The following SPAG9 variants were observed in gnomAD, a reference collection of about 807,000 sequenced individuals.
SPAG9 encodes C-Jun-amino-terminal kinase-interacting protein 4.
A neutral mutation model predicts 166.5 loss-of-function variants in SPAG9; 35 were observed. That is an observed-to-expected ratio of 0.21 (90% CI 0.16 to 0.28). The LOEUF is 0.28. SPAG9 is among the 10% of genes least tolerant of loss of function. The probability of loss-of-function intolerance (pLI) is 1.00; values close to 1 mark genes in which losing one functional copy is unlikely to be tolerated. For synonymous variants in SPAG9, 534 were observed against 565.5 expected, an observed-to-expected ratio of 0.94 and a Z score of 0.79; for missense variants, 1,235 against 1,603.3, an observed-to-expected ratio of 0.77 and a Z score of 3.92.
rs143955996 is a variant in SPAG9, at chr17:50,993,669, A to G, written c.2398+95T>C. 1,372 of 1,179,110 alleles carry G rather than the reference A, an allele frequency of 1.2e-3. 5 individuals are homozygous for G. The highest frequency in any genetic ancestry group is 1.1e-3 in the Non-Finnish European group (881 of 829,534). The allele number at this position is 1,179,110 out of a possible 1,614,324, so 73.0% of individuals were successfully genotyped here. ...CTAACTAGAACATAAGCTTCATGAC[A>G]GCAAGGTGCAGAACTGCATCTTCAG... On this transcript the variant is annotated intron_variant, in intron 19 of 29. Coordinates refer to ENST00000262013, the MANE Select transcript of SPAG9 (RefSeq NM_001130528.3).
intron 28 of SPAG9, among the ~76,000 whole-genome samples, chr17:50,973,097 AG>A (rs1170138249): frequency 3.3e-5 from 5 of 152,386 alleles, no homozygotes; most frequent in African/African-American, 1.2e-4. Flanking sequence ...TGAATAAACT[AG>A]ATTTTTATGT....
intron 1 of SPAG9, among the ~76,000 whole-genome samples, chr17:51,097,861 G>A (rs1340955244): frequency 2.0e-5 from 3 of 152,050 alleles, no homozygotes; most frequent in African/African-American, 7.2e-5. Flanking sequence ...CAGGTGACAC[G>A]ATCCCAGCTC....
chr17:50,963,530 T>C lies in SPAG9; in HGVS notation c.*2742A>G, dbSNP rs1315211919. 6.6e-6 allele frequency: 1 copy of C among 152,206 alleles called. No homozygotes were observed. The highest frequency in any genetic ancestry group is 1.5e-5 in the Non-Finnish European group (1 of 68,038). 9.4% of individuals were successfully genotyped at this position (152,206 alleles called of 1,614,324 possible). On this transcript the variant is annotated 3_prime_UTR_variant, in exon 30 of 30. Transcript: ENST00000262013. The stretch of plus-strand genomic sequence containing the variant: ...AGTTAATTAACAGGGCCACAGATAA[T>C]CTGACATCTTTAGATAAAACAACTA...
At chr17:51,043,893 A>G (rs1289151619) in intron 4 of SPAG9, among the ~76,000 whole-genome samples, 1 of 152,232 alleles carries the variant, frequency 6.6e-6, no homozygotes, top group Non-Finnish European at 1.5e-5. Flanking sequence ...ATGAATCCAA[A>G]TTTTACTTTC....
chr17:51,096,521 T>C (rs1473514297), intron 1 of SPAG9, among the ~76,000 whole-genome samples: 2 of 152,164 alleles, frequency 1.3e-5, no homozygotes, highest in African/African-American at 4.8e-5. Context: ...TGACAAGCAA[T>C]GTTACCTTAT....
intron 1 of SPAG9, among the ~76,000 whole-genome samples, chr17:51,107,611 C>A (rs2048989836): frequency 6.6e-6 from 1 of 151,900 alleles, no homozygotes; most frequent in African/African-American, 2.4e-5. Flanking sequence ...GTGGCACGCG[C>A]CTATACTCTC....
intron 1 of SPAG9, among the ~76,000 whole-genome samples, chr17:51,095,792 GTA>G (rs1485320944): frequency 1.5e-3 from 216 of 143,082 alleles, no homozygotes; most frequent in Non-Finnish European, 2.7e-3. Flanking sequence ...AGTGATATAC[GTA>G]TAGTGATATA....
Position 51,056,445 on chromosome 17 carries a change from C to T in SPAG9, c.462G>A (p.Lys154=), listed in dbSNP as rs746375853. The T allele has an allele frequency of 6.2e-7, 1 of 1,609,440 alleles. No homozygotes were observed. Among genetic ancestry groups the T allele is most frequent in the Non-Finnish European group, 8.5e-7 (1 of 1,176,220 alleles). The change falls in exon 3 of 30, where the codon AAG becomes AAA. Residue 154 remains lysine (K), a synonymous_variant. Transcript: ENST00000262013. Reference sequence around the variant, plus strand: ...GTCTTTGATGTAATGCATTATATTCCTTCTTCAGTTCTGCTTCTCTTTCTT... The same window carrying T: ...GTCTTTGATGTAATGCATTATATTCTTTCTTCAGTTCTGCTTCTCTTTCTT... The part of the protein sequence containing the change: ...RLEEREAELK[K]EYNALHQRHT...
intron 1 of SPAG9, among the ~76,000 whole-genome samples, chr17:51,092,320 G>A (rs1353212753): frequency 7.0e-6 from 1 of 142,582 alleles, no homozygotes; most frequent in Non-Finnish European, 1.5e-5. Flanking sequence ...TACAATAAAT[G>A]TCAAGTGGGG....
At position 51,107,242 on chromosome 17, in the gene SPAG9, A is replaced by C. The variant is rs190376249; in HGVS notation, c.303+13112T>G. Reference sequence around the variant, plus strand: ...CTAGAGAATCATAAAGTTCCTGTCCAGCTCTTTAAAAGAAACTGCAGGAAG... The same window carrying C: ...CTAGAGAATCATAAAGTTCCTGTCCCGCTCTTTAAAAGAAACTGCAGGAAG... On this transcript the variant is annotated intron_variant, in intron 1 of 29. Transcript: ENST00000262013. 3.3e-3 allele frequency among the ~76,000 whole-genome samples: 505 copies of C among 152,042 alleles called. 1 individual carries two copies. The highest frequency in any genetic ancestry group is 7.7e-3 in the Admixed American group (117 of 15,226).
chr17:51,096,227 T>C (rs1433913090), intron 1 of SPAG9, among the ~76,000 whole-genome samples: 2 of 151,370 alleles, frequency 1.3e-5, no homozygotes, highest in African/African-American at 4.9e-5. Flanking sequence ...CATGCACTTG[T>C]AGTCCCAGCT....
At chr17:50,985,373 A>G (rs1401349961) in intron 23 of SPAG9, among the ~76,000 whole-genome samples, 1 of 152,242 alleles carries the variant, frequency 6.6e-6, no homozygotes, top group African/African-American at 2.4e-5. Flanking sequence ...AGAACTAGTA[A>G]TCAATGCCCC....
chr17:51,090,817 CAGTCAGGCTTTCA>C (rs1343361265), intron 1 of SPAG9, among the ~76,000 whole-genome samples: 1 of 152,146 alleles, frequency 6.6e-6, no homozygotes, highest in East Asian at 1.9e-4. Flanking sequence ...GTTTACAGCT[CAGTCAGGCTTTCA>C]TATAACATGA....
Position 51,120,532 on chromosome 17 carries a change from T to C in SPAG9, c.125A>G (p.Tyr42Cys). 3 of 1,613,840 alleles carry C rather than the reference T, an allele frequency of 1.9e-6. No individual in the cohort carries two copies. The highest frequency in any genetic ancestry group is 2.5e-6 in the Non-Finnish European group (3 of 1,179,866). ...CAGCTCTTTGACCACCTCCTCGTCA[T>C]AGCGCCCGATAAGCCGCTCGAACTC... The part of the protein sequence containing the change: ...YREFERLIGR[Y>C]DEEVVKELMP... The change falls in exon 1 of 30, where the codon TAT becomes TGT. Residue 42 changes from tyrosine (Y) to cysteine (C), a missense_variant. By Grantham distance (194) the Tyr-to-Cys change is radical (BLOSUM62 -2). Around this residue, in one of 6 missense-constraint regions of SPAG9, gnomAD observed 83 missense variants for 149.8 expected, o/e 0.55. Coordinates refer to ENST00000262013, the MANE Select transcript of SPAG9 (RefSeq NM_001130528.3). The surrounding 1 kb of genome is among the most constrained non-coding windows in gnomAD (Gnocchi z 4.7).
At chr17:51,015,335 T>C (rs1404608121) in intron 8 of SPAG9, among the ~76,000 whole-genome samples, 1 of 151,656 alleles carries the variant, frequency 6.6e-6, no homozygotes, top group Admixed American at 6.6e-5. Flanking sequence ...AAGGACAGGA[T>C]TAAAAAAACT....
At chr17:51,083,720 T>C (rs1435055902) in intron 1 of SPAG9, among the ~76,000 whole-genome samples, 1 of 152,036 alleles carries the variant, frequency 6.6e-6, no homozygotes, top group Non-Finnish European at 1.5e-5. Context: ...CATGTTTAAC[T>C]TTCCTGATCT....
intron 2 of SPAG9, among the ~76,000 whole-genome samples, chr17:51,073,872 G>A (rs1020682903): frequency 6.6e-6 from 1 of 152,202 alleles, no homozygotes; most frequent in Non-Finnish European, 1.5e-5. Flanking sequence ...GGAGGCCGAG[G>A]TGGGCGGACC....
At chr17:51,021,573 AATG>A (rs1211990507) in intron 6 of SPAG9, among the ~76,000 whole-genome samples, 1 of 152,194 alleles carries the variant, frequency 6.6e-6, no homozygotes, top group Non-Finnish European at 1.5e-5. Context: ...TATTTTTTCA[AATG>A]ATATTTTTCT....
chr17:51,029,836 T>C (rs2046322001), intron 6 of SPAG9, among the ~76,000 whole-genome samples: 1 of 152,206 alleles, frequency 6.6e-6, no homozygotes, highest in African/African-American at 2.4e-5. Context: ...TCTGGTGCTG[T>C]TTTACAATAA....
Sources: allele counts gnomAD v4.1 joint callset (sites outside exome capture counted in the v4.1 genomes callset), GRCh38; gene constraint gnomAD v4.1.1; regional missense constraint gnomAD v4.1.1; non-coding constraint Gnocchi (gnomAD v3.1); transcripts MANE v1.5; gene names NCBI Gene and HGNC (gene_info 2026-07-23, HGNC 2026-07-21).